Variants in LRP1B observed in about 807,000 individuals in gnomAD.
The protein encoded by LRP1B is LDL receptor related protein 1B.
LRP1B carries 217 observed loss-of-function variants against 556.6 expected under a neutral mutation model. That is an observed-to-expected ratio of 0.39 (90% CI 0.35 to 0.44). The LOEUF is 0.44. LRP1B is among the 20% of genes least tolerant of loss of function. The probability of loss-of-function intolerance (pLI) is 1.00; values close to 1 mark genes in which losing one functional copy is unlikely to be tolerated. For synonymous variants in LRP1B, 2,047 were observed against 1,865.8 expected, an observed-to-expected ratio of 1.10 and a Z score of -2.50; for missense variants, 5,053 against 5,620.8, an observed-to-expected ratio of 0.90 and a Z score of 3.23.
intron 1 of LRP1B, among the ~76,000 whole-genome samples, chr2:142,075,705 C>G (rs1292766693): frequency 2.0e-5 from 3 of 152,068 alleles, no homozygotes; most frequent in Admixed American, 2.0e-4. Context: ...CTCAATCTCT[C>G]TCTCTTTCTG....
At chr2:142,059,455 T>C (rs2104888830) in intron 1 of LRP1B, among the ~76,000 whole-genome samples, 1 of 152,208 alleles carries the variant, frequency 6.6e-6, no homozygotes, top group East Asian at 1.9e-4. Context: ...AAATGGTTTT[T>C]GGGGAAGAAC....
At chr2:141,420,541 A>G (rs989914169) in intron 3 of LRP1B, among the ~76,000 whole-genome samples, 3 of 152,216 alleles carry the variant, frequency 2.0e-5, no homozygotes, top group Admixed American at 1.3e-4. Flanking sequence ...AGTCTGTGTC[A>G]GCAAGCCACT....
intron 23 of LRP1B, among the ~76,000 whole-genome samples, chr2:140,901,185 A>G (rs191065183): frequency 8.6e-4 from 131 of 151,788 alleles, no homozygotes; most frequent in Non-Finnish European, 1.5e-3. Context: ...ACAATGAACA[A>G]TCGATTGGAC....
At chr2:140,917,062 C>A (rs1694601545) in intron 21 of LRP1B, among the ~76,000 whole-genome samples, 2 of 152,008 alleles carry the variant, frequency 1.3e-5, no homozygotes. Flanking sequence ...CTATTAAAAG[C>A]AATTTAATGG....
rs544697396 is a variant in LRP1B at position 140,324,885 on chromosome 2, T to C, written c.12341-819A>G. On this transcript the variant is annotated intron_variant, in intron 80 of 90. Transcript: ENST00000389484. ...GGGATCTGAACTTTTTTTTTTTTTT[T>C]CCATCTGAGGCCATTGATTAAAAAA... 3.7e-3 allele frequency among the ~76,000 whole-genome samples: 506 copies of C among 135,300 alleles called. 4 individuals carry two copies. The highest frequency in any genetic ancestry group is 0.013 in the African/African-American group (461 of 36,772). 88.8% of individuals were successfully genotyped at this position (135,300 alleles called of 152,430 possible).
At chr2:141,784,499 C>A (rs991417512) in intron 2 of LRP1B, among the ~76,000 whole-genome samples, 3 of 151,798 alleles carry the variant, frequency 2.0e-5, no homozygotes, top group Non-Finnish European at 2.9e-5. Flanking sequence ...CAAGCATAAC[C>A]AATAACATTT....
chr2:141,194,682 C>A (rs182923073), intron 6 of LRP1B, among the ~76,000 whole-genome samples: 1 of 152,074 alleles, frequency 6.6e-6, no homozygotes. Flanking sequence ...GTATATCATT[C>A]GGTTCAGCCT....
intron 29 of LRP1B, among the ~76,000 whole-genome samples, chr2:140,848,275 C>G (rs1692336675): frequency 6.6e-6 from 1 of 152,104 alleles, no homozygotes; most frequent in South Asian, 2.1e-4. Context: ...CACATTTGCC[C>G]CTGCCCTTGT....
intron 1 of LRP1B, among the ~76,000 whole-genome samples, chr2:141,950,607 T>C (rs1413208917): frequency 6.6e-6 from 1 of 152,186 alleles, no homozygotes; most frequent in Non-Finnish European, 1.5e-5. Context: ...TGAGCATTCA[T>C]AGCATTTGGT....
intron 80 of LRP1B, 90 bp downstream of exon 80, chr2:140,325,672 G>A (rs1680434911): frequency 2.5e-6 from 2 of 805,226 alleles, no homozygotes; most frequent in East Asian, 5.4e-5. Flanking sequence ...AATCCAGAAT[G>A]CAAAGTAAAG....
chr2:142,003,655 C>T (rs2105141487), intron 1 of LRP1B, among the ~76,000 whole-genome samples: 1 of 152,286 alleles, frequency 6.6e-6, no homozygotes, highest in East Asian at 1.9e-4. Flanking sequence ...TAATGAAATG[C>T]AGGCAGGGTG....
At chr2:140,714,940 G>T (rs549084692) in intron 37 of LRP1B, among the ~76,000 whole-genome samples, 1 of 151,858 alleles carries the variant, frequency 6.6e-6, no homozygotes, top group Admixed American at 6.6e-5. Context: ...GTGCTTATGG[G>T]GCCATACAAC....
intron 4 of LRP1B, among the ~76,000 whole-genome samples, chr2:141,252,194 AC>A (rs1684287967): frequency 1.9e-5 from 2 of 104,576 alleles, no homozygotes; most frequent in South Asian, 3.6e-4. Flanking sequence ...CACCCCCACC[AC>A]CCCCCACCCC....
At chr2:142,081,210 T>G (rs10190170) in intron 1 of LRP1B, among the ~76,000 whole-genome samples, 112,208 of 151,694 alleles carry the variant, frequency 0.74, 41,959 homozygotes, top group Non-Finnish European at 0.78. Context: ...GAGAAATGAG[T>G]ATATAAGAAG....
At chr2:140,542,860 C>T (rs1337734272) in intron 43 of LRP1B, among the ~76,000 whole-genome samples, 3 of 152,078 alleles carry the variant, frequency 2.0e-5, no homozygotes, top group East Asian at 3.9e-4. Context: ...CTGATAAGTG[C>T]GTGCACATGT....
intron 1 of LRP1B, among the ~76,000 whole-genome samples, chr2:141,837,148 A>T (rs962016485): frequency 2.6e-5 from 4 of 151,960 alleles, no homozygotes; most frequent in African/African-American, 9.7e-5. Context: ...TGAGTAGAAC[A>T]TTTGGGGAAC....
At chr2:141,751,787 T>C (rs548988429) in intron 2 of LRP1B, among the ~76,000 whole-genome samples, 8 of 151,404 alleles carry the variant, frequency 5.3e-5, no homozygotes, top group Non-Finnish European at 1.0e-4. Flanking sequence ...CTAGAAAGCA[T>C]CTAAGCATGG....
intron 3 of LRP1B, among the ~76,000 whole-genome samples, chr2:141,377,876 T>C (rs1037900643): frequency 6.6e-6 from 1 of 152,202 alleles, no homozygotes; most frequent in Non-Finnish European, 1.5e-5. Flanking sequence ...ACATTGTCTA[T>C]GCTATCACTA....
At chr2:141,164,871 CTA>C (rs1558904297) in intron 7 of LRP1B, among the ~76,000 whole-genome samples, 1 of 152,002 alleles carries the variant, frequency 6.6e-6, no homozygotes. Context: ...AAAATTTCTT[CTA>C]TGTTTTCCTA....
Sources: gnomAD v4.1 joint callset for allele counts (sites outside exome capture counted in the v4.1 genomes callset) on GRCh38, gnomAD v4.1.1 for gene constraint, MANE v1.5 for transcripts, NCBI Gene and HGNC (gene_info 2026-07-23, HGNC 2026-07-21) for gene names.